Variants in KCNB2 observed in about 807,000 individuals in gnomAD.
The protein encoded by KCNB2 is delayed rectifier potassium channel protein.
Under a neutral mutation model 61.5 loss-of-function variants are expected in KCNB2, and 15 were observed. The ratio of observed to expected loss-of-function variants is 0.24; its 90% confidence interval spans 0.16 to 0.38. The LOEUF is 0.38. Ranked by LOEUF, KCNB2 falls within the 10% of genes least tolerant of loss-of-function variation. The probability of loss-of-function intolerance (pLI) is 1.00; values close to 1 mark genes in which losing one functional copy is unlikely to be tolerated. For missense variants in KCNB2, 828 were observed against 1,125.2 expected (o/e 0.74, Z 3.78); for synonymous variants, 457 against 446.0 (o/e 1.02, Z -0.31).
chr8:72,571,080 A>C lies in KCNB2; in HGVS notation c.579+2767A>C, dbSNP rs181592619. On this transcript the variant is annotated intron_variant, in intron 2 of 2. Coordinates refer to ENST00000523207, the MANE Select transcript of KCNB2 (RefSeq NM_004770.3). ...AATGAAGAAAGTATAAAAGCTATTA[A>C]GATTATTTGCCAGATCCCTAGTATG... Among the ~76,000 whole-genome samples the C allele has an allele frequency of 7.1e-4, 108 of 152,360 alleles. 3 individuals are homozygous for C. The East Asian group carries it at 0.017, about 24-fold the overall frequency.
chr8:72,590,529 A>G (rs1807079436), intron 2 of KCNB2, among the ~76,000 whole-genome samples: 1 of 152,216 alleles, frequency 6.6e-6, no homozygotes, highest in East Asian at 1.9e-4. Context: ...GAATCCTTTC[A>G]TAAATGTATT....
intron 2 of KCNB2, among the ~76,000 whole-genome samples, chr8:72,828,934 A>G (rs114355434): frequency 0.016 from 2,481 of 152,254 alleles, 74 homozygotes; most frequent in African/African-American, 0.055. Flanking sequence ...ATATTATTAA[A>G]TGTATGTTGA....
intron 2 of KCNB2, among the ~76,000 whole-genome samples, chr8:72,629,047 G>A (rs573807444): frequency 6.6e-6 from 1 of 152,308 alleles, no homozygotes; most frequent in East Asian, 1.9e-4. Context: ...GGAAGTGAAT[G>A]CAAGACAGTG....
intron 2 of KCNB2, among the ~76,000 whole-genome samples, chr8:72,583,959 A>C (rs1285993593): frequency 4.0e-5 from 6 of 150,802 alleles, no homozygotes; most frequent in African/African-American, 1.2e-4. Flanking sequence ...AAAAAAAAAA[A>C]AAAAAACAAA....
intron 2 of KCNB2, among the ~76,000 whole-genome samples, chr8:72,859,591 C>T (rs1028301908): frequency 1.8e-4 from 28 of 151,356 alleles, no homozygotes; most frequent in Admixed American, 7.9e-4. Flanking sequence ...TGCCTATTCT[C>T]GGCATTTCAT....
intron 2 of KCNB2, among the ~76,000 whole-genome samples, chr8:72,838,511 C>T (rs7844797): frequency 0.85 from 129,796 of 152,186 alleles, 56,319 homozygotes; most frequent in Middle Eastern, 0.97. Context: ...CAGTCTATCA[C>T]TGATGGGCAT....
At chr8:72,905,331 C>T (rs1806158633) in intron 2 of KCNB2, among the ~76,000 whole-genome samples, 1 of 152,104 alleles carries the variant, frequency 6.6e-6, no homozygotes, top group African/African-American at 2.4e-5. Context: ...ATCCCCAGTT[C>T]CCAGAATTCC....
chr8:72,564,077 A>C (rs769594096), intron 1 of KCNB2, among the ~76,000 whole-genome samples: 1 of 152,172 alleles, frequency 6.6e-6, no homozygotes, highest in Admixed American at 6.6e-5. Context: ...CTTATAATAG[A>C]AAGTTCTTGA....
intron 2 of KCNB2, among the ~76,000 whole-genome samples, chr8:72,904,681 T>C (rs1806143727): frequency 6.6e-6 from 1 of 152,166 alleles, no homozygotes; most frequent in Non-Finnish European, 1.5e-5. Flanking sequence ...TATTATACTT[T>C]AAGTTTTAGG....
intron 2 of KCNB2, among the ~76,000 whole-genome samples, chr8:72,812,529 T>C (rs1185918858): frequency 6.6e-6 from 1 of 152,122 alleles, no homozygotes; most frequent in Non-Finnish European, 1.5e-5. Flanking sequence ...GATAAAAATA[T>C]AGATATATAT....
intron 2 of KCNB2, among the ~76,000 whole-genome samples, chr8:72,718,141 A>G (rs1469252635): frequency 6.6e-6 from 1 of 151,758 alleles, no homozygotes; most frequent in African/African-American, 2.4e-5. Flanking sequence ...TTAGAATGGC[A>G]ATCATTAAAA....
chr8:72,919,602 G>T (rs1423538587), intron 2 of KCNB2, among the ~76,000 whole-genome samples: 1 of 152,150 alleles, frequency 6.6e-6, no homozygotes, highest in East Asian at 1.9e-4. Flanking sequence ...ATAAGGCATG[G>T]CCACAGGCTA....
intron 2 of KCNB2, among the ~76,000 whole-genome samples, chr8:72,757,481 A>T (rs1184037168): frequency 2.6e-5 from 4 of 152,188 alleles, no homozygotes; most frequent in Non-Finnish European, 5.9e-5. Flanking sequence ...TTTATAAGGT[A>T]TAGGGAAAGA....
At chr8:72,728,638 T>G (rs1000418388) in intron 2 of KCNB2, among the ~76,000 whole-genome samples, 1 of 152,172 alleles carries the variant, frequency 6.6e-6, no homozygotes, top group Non-Finnish European at 1.5e-5. Flanking sequence ...ATGGAGGTAT[T>G]AATATAAATA....
intron 2 of KCNB2, among the ~76,000 whole-genome samples, chr8:72,729,158 G>A (rs1016139426): frequency 6.6e-6 from 1 of 152,234 alleles, no homozygotes; most frequent in African/African-American, 2.4e-5. Context: ...GCATGGAGTT[G>A]TGGTAAAGAT....
At chr8:72,786,076 A>T (rs568784536) in intron 2 of KCNB2, among the ~76,000 whole-genome samples, 2 of 151,688 alleles carry the variant, frequency 1.3e-5, no homozygotes, top group Non-Finnish European at 1.5e-5. Flanking sequence ...AAGCAAAAAG[A>T]CTTCACTCGC....
chr8:72,711,137 G>A (rs1807319142), intron 2 of KCNB2, among the ~76,000 whole-genome samples: 1 of 152,208 alleles, frequency 6.6e-6, no homozygotes, highest in Admixed American at 6.5e-5. Flanking sequence ...GATTCTCATG[G>A]CAGAGGAAAA....
chr8:72,589,138 C>A (rs1471425978), intron 2 of KCNB2, among the ~76,000 whole-genome samples: 1 of 152,138 alleles, frequency 6.6e-6, no homozygotes. Context: ...CCAGAGCCCA[C>A]ACCAACAGTT....
At chr8:72,578,354 A>T (rs1356738455) in intron 2 of KCNB2, among the ~76,000 whole-genome samples, 2 of 152,248 alleles carry the variant, frequency 1.3e-5, no homozygotes. Flanking sequence ...CTATGTATGC[A>T]GTGAAAATAT....
Sources: allele counts gnomAD v4.1 joint callset (sites outside exome capture counted in the v4.1 genomes callset), GRCh38; gene constraint gnomAD v4.1.1; transcripts MANE v1.5; gene names NCBI Gene and HGNC (gene_info 2026-07-23, HGNC 2026-07-21).